Variants in ZNF804B observed in about 807,000 individuals in gnomAD.
ZNF804B encodes the protein zinc finger 804B.
ZNF804B carries 80 observed loss-of-function variants against 101.4 expected under a neutral mutation model. That is an observed-to-expected ratio of 0.79 (90% CI 0.66 to 0.95). ZNF804B has a LOEUF of 0.95. ZNF804B is among the 40% of genes least tolerant of loss of function. The probability of loss-of-function intolerance (pLI) is 0.00; values close to 1 mark genes in which losing one functional copy is unlikely to be tolerated. For synonymous variants in ZNF804B, 622 were observed against 558.8 expected (o/e 1.11, Z -1.59); for missense variants, 1,673 against 1,561.9 (o/e 1.07, Z -1.20).
At chr7:88,861,460 C>T (rs1440527147) in intron 1 of ZNF804B, among the ~76,000 whole-genome samples, 1 of 152,134 alleles carries the variant, frequency 6.6e-6, no homozygotes, top group Non-Finnish European at 1.5e-5. Flanking sequence ...GTACAAATAC[C>T]AGTTAATATC....
intron 1 of ZNF804B, among the ~76,000 whole-genome samples, chr7:88,990,062 A>G (rs1793822747): frequency 1.3e-5 from 2 of 151,996 alleles, no homozygotes; most frequent in East Asian, 3.9e-4. Flanking sequence ...GCCAATGATA[A>G]CTAATATTAC....
chr7:89,234,441 C>T (rs1789246976), intron 2 of ZNF804B, among the ~76,000 whole-genome samples: 1 of 151,936 alleles, frequency 6.6e-6, no homozygotes, highest in Non-Finnish European at 1.5e-5. Context: ...TAAATGATAC[C>T]TACTATATAA....
intron 1 of ZNF804B, among the ~76,000 whole-genome samples, chr7:89,033,486 A>G (rs1011954648): frequency 7.9e-5 from 12 of 152,138 alleles, no homozygotes. Context: ...GAAAAGTGGG[A>G]GTGCTGGATC....
chr7:89,237,551 C>A (rs2115754332), intron 2 of ZNF804B, among the ~76,000 whole-genome samples: 1 of 152,232 alleles, frequency 6.6e-6, no homozygotes, highest in East Asian at 1.9e-4. Flanking sequence ...TCTTGATTTT[C>A]TAAACAAATT....
intron 1 of ZNF804B, among the ~76,000 whole-genome samples, chr7:88,943,786 G>A (rs1025324460): frequency 1.1e-4 from 17 of 151,684 alleles, no homozygotes; most frequent in South Asian, 2.1e-4. Context: ...TCTGATTTCT[G>A]CACCTATAAC....
At chr7:88,792,715 A>C (rs904078657) in intron 1 of ZNF804B, among the ~76,000 whole-genome samples, 1 of 152,050 alleles carries the variant, frequency 6.6e-6, no homozygotes, top group African/African-American at 2.4e-5. Flanking sequence ...AATTGATATA[A>C]ATTTTGAAAG....
At chr7:88,939,504 AG>A (rs1421843007) in intron 1 of ZNF804B, among the ~76,000 whole-genome samples, 1 of 151,966 alleles carries the variant, frequency 6.6e-6, no homozygotes, top group Non-Finnish European at 1.5e-5. Flanking sequence ...AGAGGAATAA[AG>A]AAACCAATTA....
chr7:89,219,276 T>G (rs1788944360), intron 2 of ZNF804B, among the ~76,000 whole-genome samples: 1 of 152,112 alleles, frequency 6.6e-6, no homozygotes, highest in Admixed American at 6.6e-5. Context: ...TCAAGGATTC[T>G]AAGTTATAGG....
chr7:88,834,544 C>A (rs964749939), intron 1 of ZNF804B, among the ~76,000 whole-genome samples: 7 of 151,734 alleles, frequency 4.6e-5, no homozygotes, highest in African/African-American at 1.4e-4. Flanking sequence ...AACTTATGAA[C>A]CCCTTCTGAG....
chr7:88,945,711 C>T (rs1221038838), intron 1 of ZNF804B, among the ~76,000 whole-genome samples: 1 of 152,072 alleles, frequency 6.6e-6, no homozygotes, highest in African/African-American at 2.4e-5. Context: ...ATTGATTCTT[C>T]CTATACATCA....
chr7:88,972,628 A>G (rs976678890), intron 1 of ZNF804B, among the ~76,000 whole-genome samples: 1 of 151,412 alleles, frequency 6.6e-6, no homozygotes, highest in African/African-American at 2.4e-5. Context: ...AAAATGGAAG[A>G]AAGTGTTGAT....
At chr7:88,803,979 C>T (rs1790646907) in intron 1 of ZNF804B, among the ~76,000 whole-genome samples, 1 of 152,036 alleles carries the variant, frequency 6.6e-6, no homozygotes, top group Non-Finnish European at 1.5e-5. Flanking sequence ...TAAGAAAACA[C>T]AGGCTTATGA....
chr7:88,973,281 G>A (rs1291087744), intron 1 of ZNF804B, among the ~76,000 whole-genome samples: 1 of 150,978 alleles, frequency 6.6e-6, no homozygotes, highest in Non-Finnish European at 1.5e-5. Context: ...GTATCCCTGT[G>A]AATAAGTTTA....
intron 1 of ZNF804B, among the ~76,000 whole-genome samples, chr7:88,994,879 G>T (rs1346966642): frequency 1.3e-5 from 2 of 151,992 alleles, no homozygotes; most frequent in Non-Finnish European, 2.9e-5. Context: ...GATTCATTTT[G>T]CATAGAGAGG....
At chr7:88,773,130 A>G (rs920739585) in intron 1 of ZNF804B, among the ~76,000 whole-genome samples, 1 of 152,192 alleles carries the variant, frequency 6.6e-6, no homozygotes, top group African/African-American at 2.4e-5. Flanking sequence ...TTGATTATAT[A>G]TTAGTTTCAT....
intron 1 of ZNF804B, among the ~76,000 whole-genome samples, chr7:88,926,941 AGC>A (rs1259020212): frequency 1.2e-5 from 1 of 84,418 alleles, no homozygotes; most frequent in Non-Finnish European, 2.4e-5. Context: ...GGTGGTGGGG[AGC>A]GGGGGGAAAG....
chr7:89,164,946 C>T (rs1791118993), intron 1 of ZNF804B, among the ~76,000 whole-genome samples: 1 of 151,842 alleles, frequency 6.6e-6, no homozygotes, highest in African/African-American at 2.4e-5. Flanking sequence ...TTATTTAATC[C>T]TCAGAACAGC....
intron 2 of ZNF804B, among the ~76,000 whole-genome samples, chr7:89,223,725 G>A (rs2115718382): frequency 6.6e-6 from 1 of 151,690 alleles, no homozygotes; most frequent in African/African-American, 2.4e-5. Context: ...TATTTGTAGA[G>A]AAAGGCAGCT....
At chr7:88,995,358 T>C (rs924632197) in intron 1 of ZNF804B, among the ~76,000 whole-genome samples, 9 of 152,078 alleles carry the variant, frequency 5.9e-5, no homozygotes, top group African/African-American at 2.2e-4. Context: ...TAGATATACT[T>C]ACTAATTGAC....
Sources: gnomAD v4.1 joint callset for allele counts (sites outside exome capture counted in the v4.1 genomes callset) on GRCh38, gnomAD v4.1.1 for gene constraint, MANE v1.5 for transcripts, NCBI Gene and HGNC (gene_info 2026-07-23, HGNC 2026-07-21) for gene names.